Variants in FAAH2 observed in about 807,000 individuals in gnomAD.
FAAH2 encodes fatty acid amide hydrolase 2.
FAAH2 carries 60 observed loss-of-function variants against 36.9 expected under a neutral mutation model. The ratio of observed to expected loss-of-function variants is 1.63; its 90% CI spans 1.32 to 2.02. The LOEUF is 2.02. Among genes scored for constraint, FAAH2 ranks in the 30% most tolerant of loss-of-function variants. FAAH2 has a pLI of 0.00. For missense variants in FAAH2, 689 were observed against 397.5 expected (o/e 1.73, Z -6.23); for synonymous variants, 214 against 143.8 (o/e 1.49, Z -3.49).
At chrX:57,255,485 T>G in the FAAH2 span, among the ~76,000 whole-genome samples, 1 of 111,967 alleles carries the variant, frequency 8.9e-6, no homozygotes, top group Admixed American at 9.5e-5. Flanking sequence ...AAGAGAATTT[T>G]AGGCCAATAT....
At chrX:57,483,768 C>A (rs1480103899) in intron 10 of FAAH2, among the ~76,000 whole-genome samples, 8 of 95,873 alleles carry the variant, frequency 8.3e-5, no homozygotes, top group Non-Finnish European at 1.2e-4. Flanking sequence ...TTCCTGTGCA[C>A]TGGGGGCAAC....
At chrX:57,197,380 A>AT in the FAAH2 span, among the ~76,000 whole-genome samples, 16 of 110,913 alleles carry the variant, frequency 1.4e-4, no homozygotes, top group Non-Finnish European at 2.5e-4. Flanking sequence ...CAATTCAGAG[A>AT]TTTTTTATTG....
intron 5 of FAAH2, among the ~76,000 whole-genome samples, chrX:57,366,832 C>T (rs1027481670): frequency 8.9e-6 from 1 of 112,161 alleles, no homozygotes; most frequent in South Asian, 3.7e-4. Flanking sequence ...ATCAGACTGG[C>T]CCTGTCCCAC....
chrX:57,213,225 C>G, the FAAH2 span, among the ~76,000 whole-genome samples: 1 of 111,167 alleles, frequency 9.0e-6, no homozygotes, highest in Admixed American at 9.6e-5. Context: ...CTCTTCTTTT[C>G]TTGGGTGGTC....
intron 7 of FAAH2, among the ~76,000 whole-genome samples, chrX:57,425,005 A>C (rs1344360507): frequency 9.3e-6 from 1 of 107,742 alleles, no homozygotes; most frequent in Non-Finnish European, 1.9e-5. Context: ...TAAGGATATA[A>C]GTGAGAAATT....
chrX:57,452,451 C>T (rs2056801973), intron 10 of FAAH2: 2 of 340,396 alleles, frequency 5.9e-6, no homozygotes, highest in Non-Finnish European at 7.6e-6. Flanking sequence ...TTGGTCACCT[C>T]CCCAATTGAT....
chrX:57,227,412 GTC>G, the FAAH2 span, among the ~76,000 whole-genome samples: 42 of 111,164 alleles, frequency 3.8e-4, no homozygotes, highest in Admixed American at 3.9e-3. Context: ...AGTGATTGTT[GTC>G]TCTCTTCTGG....
At chrX:57,165,431 A>T in the FAAH2 span, among the ~76,000 whole-genome samples, 1 of 111,417 alleles carries the variant, frequency 9.0e-6, no homozygotes, top group African/African-American at 3.3e-5. Flanking sequence ...TCAGTAAACT[A>T]TCGCAAGAAC....
intron 1 of FAAH2, chrX:57,290,417 T>C: frequency 6.4e-6 from 2 of 312,890 alleles, no homozygotes; most frequent in African/African-American, 2.8e-5. Context: ...AAACATTTAC[T>C]GAAAACCTAC....
the FAAH2 span, among the ~76,000 whole-genome samples, chrX:57,275,202 T>C: frequency 2.7e-5 from 3 of 112,413 alleles, no homozygotes; most frequent in Non-Finnish European, 5.6e-5. Flanking sequence ...TTACAAGGTA[T>C]GTGAAGGACC....
rs1233335520 is a variant in FAAH2, at chrX:57,469,248, A to G, written c.1424-19509A>G. Among the ~76,000 whole-genome samples the G allele has an allele frequency of 3.6e-5, 4 of 112,033 alleles. No individual in the cohort carries two copies. In the East Asian group the frequency reaches 1.1e-3, roughly 32 times the overall value. On this transcript the variant is annotated intron_variant, in intron 10 of 10. Transcript: ENST00000374900. ...GAAAGGATCAAATTCACACATACCA[A>G]TATTAACCTTAAATGTCAATGGGCT...
At chrX:57,332,408 A>G (rs1442982239) in intron 4 of FAAH2, among the ~76,000 whole-genome samples, 3 of 112,328 alleles carry the variant, frequency 2.7e-5, no homozygotes, top group Non-Finnish European at 5.6e-5. Context: ...CACAATAAGA[A>G]CAAAAGCTGA....
chrX:57,231,256 A>G, the FAAH2 span, among the ~76,000 whole-genome samples: 1 of 111,012 alleles, frequency 9.0e-6, no homozygotes, highest in African/African-American at 3.3e-5. Flanking sequence ...CAAGATCAAA[A>G]CTACCCACTC....
chrX:57,151,031 G>A, the FAAH2 span, among the ~76,000 whole-genome samples: 1 of 111,655 alleles, frequency 9.0e-6, no homozygotes, highest in Admixed American at 9.5e-5. Context: ...ACTTAGTTTG[G>A]CTGGATATGA....
chrX:57,147,130 G>A, the FAAH2 span, among the ~76,000 whole-genome samples: 5 of 111,612 alleles, frequency 4.5e-5, no homozygotes, highest in South Asian at 1.9e-3. Flanking sequence ...AGTGCCAATA[G>A]GATTTGTACC....
chrX:57,216,701 T>C, the FAAH2 span, among the ~76,000 whole-genome samples: 1 of 96,394 alleles, frequency 1.0e-5, no homozygotes, highest in East Asian at 3.4e-4. Context: ...GGTTGCACGA[T>C]TTTGCAATTG....
rs375610853 is a variant in FAAH2, at chrX:57,299,045, T to C, written c.275+6465T>C. ...GAGGTACAAGGAGGAGCTGGTACCA[T>C]TCCTTCTGAAACTATTCCAATCAAT... On this transcript the variant is annotated intron_variant, in intron 2 of 10. Transcript: ENST00000374900. Among the ~76,000 whole-genome samples the C allele has an allele frequency of 2.6e-3, 287 of 111,374 alleles. 2 individuals carry two copies. Among genetic ancestry groups the C allele is most frequent in the East Asian group, 1.7e-3 (6 of 3,533 alleles).
the FAAH2 span, among the ~76,000 whole-genome samples, chrX:57,252,702 G>T: frequency 8.9e-6 from 1 of 112,403 alleles, no homozygotes; most frequent in Middle Eastern, 4.6e-3. Context: ...AAAACTAACA[G>T]AAAGGAATAG....
At chrX:57,291,568 A>G (rs978987016) in intron 1 of FAAH2, among the ~76,000 whole-genome samples, 1 of 111,722 alleles carries the variant, frequency 9.0e-6, no homozygotes, top group African/African-American at 3.2e-5. Context: ...CACACTTATT[A>G]TGTAATTGGT....
Sources: allele counts gnomAD v4.1 joint callset (sites outside exome capture counted in the v4.1 genomes callset), GRCh38; gene constraint gnomAD v4.1.1; transcripts MANE v1.5; gene names NCBI Gene and HGNC (gene_info 2026-07-23, HGNC 2026-07-21).